The following LSM12 variants were observed in gnomAD, a reference collection of about 807,000 sequenced individuals.
The protein encoded by LSM12 is protein LSM12.
For synonymous variants in LSM12, 74 were observed against 87.3 expected (o/e 0.85, Z 0.85); for missense variants, 108 against 238.9 (o/e 0.45, Z 3.61).
At chr17:44,058,243 A>G (rs1437208534) in intron 2 of LSM12, among the ~76,000 whole-genome samples, 1 of 151,336 alleles carries the variant, frequency 6.6e-6, no homozygotes, top group Non-Finnish European at 1.5e-5. Flanking sequence ...TCTCAAAAAA[A>G]AAATAATAAA....
chr17:44,064,590 G>A (rs949915661), intron 1 of LSM12, among the ~76,000 whole-genome samples: 2 of 152,096 alleles, frequency 1.3e-5, no homozygotes, highest in South Asian at 2.1e-4. Flanking sequence ...AAAATTAGCC[G>A]GGTGTGGTGG....
At chr17:44,043,716 C>T (rs908173649) in intron 2 of LSM12, among the ~76,000 whole-genome samples, 4 of 151,580 alleles carry the variant, frequency 2.6e-5, no homozygotes, top group African/African-American at 9.7e-5. Context: ...CGCCTGTAAT[C>T]CCAGCATTTT....
At position 44,041,290 on chromosome 17, in the gene LSM12, AACACACACAC is replaced by A. The variant is rs72358942; in HGVS notation, c.259-1044_259-1035del. 3.6e-3 allele frequency among the ~76,000 whole-genome samples: 393 copies of A among 110,462 alleles called. 1 individual carries two copies. The highest frequency in any genetic ancestry group is 0.01 in the Middle Eastern group (2 of 192). 72.5% of individuals were successfully genotyped at this position (110,462 alleles called of 152,430 possible). A position where few individuals can be genotyped will look rare whatever the true frequency, so the allele number is the denominator to read the frequency against. ...TGTCTCTTTAAAAAAAAAAAAAACA[AACACACACAC>A]ACACACACACACACACACACACACA... On this transcript the variant is annotated intron_variant, in intron 2 of 4. Transcript: ENST00000293406.
chr17:44,038,332 G>C (rs1009448512), intron 3 of LSM12, among the ~76,000 whole-genome samples: 10 of 144,638 alleles, frequency 6.9e-5, no homozygotes, highest in African/African-American at 2.6e-4. Context: ...CCCAACCTAG[G>C]CAATAAAAGT....
At chr17:44,042,994 C>T (rs942442869) in intron 2 of LSM12, among the ~76,000 whole-genome samples, 2 of 152,174 alleles carry the variant, frequency 1.3e-5, no homozygotes, top group African/African-American at 4.8e-5. Flanking sequence ...TGAGCCACCA[C>T]GCCTGGCTCC....
chr17:44,046,759 C>CT lies in LSM12; in HGVS notation c.259-6504dup, dbSNP rs35839029. On this transcript the variant is annotated intron_variant, in intron 2 of 4. Transcript: ENST00000293406. ...GTCAAACTGTTTTCTTTTTTTTTTTCTTTTTTTTTTTTTTTTGCTGGAGTG... is the reference window on the plus strand; with the variant it reads ...GTCAAACTGTTTTCTTTTTTTTTTTCTTTTTTTTTTTTTTTTTGCTGGAGTG... Among the ~76,000 whole-genome samples, 134 of 68,348 alleles carry CT rather than the reference C, an allele frequency of 2.0e-3. 2 individuals are homozygous for CT. The highest frequency in any genetic ancestry group is 0.013 in the East Asian group (36 of 2,712). The allele number at this position is 68,348 out of a possible 152,430, so 44.8% of individuals were successfully genotyped here. A position where few individuals can be genotyped will look rare whatever the true frequency, so the allele number is the denominator to read the frequency against.
intron 2 of LSM12, among the ~76,000 whole-genome samples, chr17:44,046,727 A>T (rs1489935438): frequency 6.8e-6 from 1 of 147,738 alleles, no homozygotes; most frequent in Non-Finnish European, 1.5e-5. Context: ...AAAAAAAAAA[A>T]GGAACTGTCA....
At chr17:44,062,094 C>T (rs531240087) in intron 2 of LSM12, among the ~76,000 whole-genome samples, 17 of 152,028 alleles carry the variant, frequency 1.1e-4, no homozygotes, top group Admixed American at 2.6e-4. Context: ...TGGTGTCGGG[C>T]GCCTGTAGTC....
At chr17:44,038,166 G>A (rs2049439542) in intron 3 of LSM12, among the ~76,000 whole-genome samples, 1 of 151,918 alleles carries the variant, frequency 6.6e-6, no homozygotes, top group Non-Finnish European at 1.5e-5. Flanking sequence ...CTGGGCAACA[G>A]GGCAAAAACT....
chr17:44,057,713 A>G (rs1488829940), intron 2 of LSM12, among the ~76,000 whole-genome samples: 2 of 151,392 alleles, frequency 1.3e-5, no homozygotes, highest in African/African-American at 4.8e-5. Context: ...GAGCTGAGAC[A>G]GCACTACTGC....
intron 2 of LSM12, among the ~76,000 whole-genome samples, chr17:44,062,324 C>T (rs2049808453): frequency 6.6e-6 from 1 of 151,880 alleles, no homozygotes; most frequent in Non-Finnish European, 1.5e-5. Flanking sequence ...AAAAATGTCC[C>T]AGGTTGGACT....
At chr17:44,038,392 G>A (rs1382782366) in intron 3 of LSM12, among the ~76,000 whole-genome samples, 2 of 151,766 alleles carry the variant, frequency 1.3e-5, no homozygotes, top group African/African-American at 4.8e-5. Context: ...AGGCACAGTG[G>A]CTCACGCCTG....
chr17:44,039,950 T>C (rs1379310557), intron 3 of LSM12, among the ~76,000 whole-genome samples, 197 bp downstream of exon 3: 1 of 152,142 alleles, frequency 6.6e-6, no homozygotes, highest in Non-Finnish European at 1.5e-5. Context: ...AGAAGACAAC[T>C]TGTCCGTGAT....
At chr17:44,038,660 AAG>A (rs36022220) in intron 3 of LSM12, among the ~76,000 whole-genome samples, 2,311 of 152,216 alleles carry the variant, frequency 0.015, 84 homozygotes, top group East Asian at 0.098. Context: ...ACTCAAAAAA[AAG>A]AGAGAGAGAA....
intron 2 of LSM12, among the ~76,000 whole-genome samples, chr17:44,054,953 C>G (rs751695490): frequency 6.6e-6 from 1 of 151,946 alleles, no homozygotes; most frequent in Non-Finnish European, 1.5e-5. Context: ...ATTCTCCTGT[C>G]TCAGCCTCCC....
intron 3 of LSM12, among the ~76,000 whole-genome samples, chr17:44,039,365 CTTTTT>C (rs35411238): frequency 5.9e-5 from 3 of 51,086 alleles, no homozygotes; most frequent in East Asian, 5.5e-4. Flanking sequence ...AACAAAATGT[CTTTTT>C]TTTTTTTTTT....
rs394980 is a variant in LSM12 at position 44,034,568 on chromosome 17, T to C, written c.*1640A>G. On this transcript the variant is annotated 3_prime_UTR_variant, in exon 5 of 5. Transcript: ENST00000293406. ...AGAGACTCTAAAGAGAAAGGTCAAA[T>C]CAGACAGACATACCTTGGATCCTCT... The C allele has an allele frequency of 1, 152,677 of 152,686 alleles. 76,334 individuals are homozygous for C. Among genetic ancestry groups the C allele is most frequent in the Non-Finnish European group, 1 (68,052 of 68,052 alleles). The allele number at this position is 152,686 out of a possible 1,614,324, so 9.5% of individuals were successfully genotyped here. A position where few individuals can be genotyped will look rare whatever the true frequency, so the allele number is the denominator to read the frequency against.
chr17:44,039,640 C>CAA (rs1454484311), intron 3 of LSM12, among the ~76,000 whole-genome samples: 1 of 152,024 alleles, frequency 6.6e-6, no homozygotes, highest in Non-Finnish European at 1.5e-5. Flanking sequence ...CTCGGCCTCC[C>CAA]AAAGTGCTGG....
chr17:44,038,299 A>G (rs1445454856), intron 3 of LSM12, among the ~76,000 whole-genome samples: 1 of 150,760 alleles, frequency 6.6e-6, no homozygotes, highest in Non-Finnish European at 1.5e-5. Flanking sequence ...GGCTATAGTA[A>G]GCTAAAATCG....
Sources: allele counts gnomAD v4.1 joint callset (sites outside exome capture counted in the v4.1 genomes callset), GRCh38; gene constraint gnomAD v4.1.1; transcripts MANE v1.5; gene names NCBI Gene and HGNC (gene_info 2026-07-23, HGNC 2026-07-21).